PID1: variants seen among roughly 807,000 people sequenced by gnomAD.
PID1 encodes PTB-containing, cubilin and LRP1-interacting protein.
Under a neutral mutation model 19.1 loss-of-function variants are expected in PID1, and 10 were observed. That is an observed-to-expected ratio of 0.52 (90% confidence interval 0.32 to 0.89). The LOEUF (loss-of-function observed/expected upper bound fraction) is 0.89, where lower values mean the gene tolerates loss of function less well. PID1 is among the 40% of genes least tolerant of loss of function. The probability of loss-of-function intolerance (pLI) is 0.03; values close to 1 mark genes in which losing one functional copy is unlikely to be tolerated. For missense variants in PID1, 248 were observed against 285.3 expected, an observed-to-expected ratio of 0.87 and a Z score of 0.94; for synonymous variants, 130 against 116.0, an observed-to-expected ratio of 1.12 and a Z score of -0.78.
chr2:229,261,643 T>G (rs1428192279), intron 1 of PID1, among the ~76,000 whole-genome samples: 1 of 152,246 alleles, frequency 6.6e-6, no homozygotes, highest in Admixed American at 6.5e-5. Flanking sequence ...TCCTTTCCCC[T>G]GGTAACTGTC....
intron 2 of PID1, among the ~76,000 whole-genome samples, chr2:229,110,156 C>A (rs1308509022): frequency 1.3e-5 from 2 of 152,184 alleles, no homozygotes; most frequent in Non-Finnish European, 2.9e-5. Flanking sequence ...TTAACAAGAC[C>A]TCTAGGTTTT....
rs1163678051 is a variant in PID1, at chr2:229,174,688, C to T, written c.31-18724G>A. Among the ~76,000 whole-genome samples, 4 of 148,320 alleles carry T rather than the reference C, an allele frequency of 2.7e-5. No homozygotes were observed. The Admixed American group carries it at 2.7e-4, about 10-fold the overall frequency. On this transcript the variant is annotated intron_variant, in intron 1 of 2. Coordinates refer to ENST00000392055, the MANE Select transcript of PID1 (RefSeq NM_001100818.2). ...GATTTTTTTTGCCCCTCCCCAACCC[C>T]AGAACCAAGCTTCCTCCCACTGAAA...
intron 2 of PID1, among the ~76,000 whole-genome samples, chr2:229,118,712 G>A (rs367602492): frequency 9.9e-5 from 15 of 152,012 alleles, no homozygotes; most frequent in Non-Finnish European, 1.9e-4. Context: ...TTGTTCTTGG[G>A]GGAAAGTACT....
At chr2:229,246,940 T>C (rs778067068) in intron 1 of PID1, among the ~76,000 whole-genome samples, 95 of 152,012 alleles carry the variant, frequency 6.2e-4, no homozygotes, top group Admixed American at 2.6e-4. Flanking sequence ...GCCTCAGCAG[T>C]AAAAATAACC....
At chr2:229,130,749 T>A (rs1222914209) in intron 2 of PID1, among the ~76,000 whole-genome samples, 1 of 152,204 alleles carries the variant, frequency 6.6e-6, no homozygotes, top group Non-Finnish European at 1.5e-5. Flanking sequence ...CAGTGTTAGC[T>A]AAACTCAGTG....
chr2:229,176,918 T>C (rs1231541679), intron 1 of PID1, among the ~76,000 whole-genome samples: 1 of 152,188 alleles, frequency 6.6e-6, no homozygotes, highest in African/African-American at 2.4e-5. Flanking sequence ...TGTATTAGTC[T>C]ATTTCCACAT....
intron 1 of PID1, among the ~76,000 whole-genome samples, chr2:229,249,234 C>A (rs1190543189): frequency 6.7e-6 from 1 of 149,560 alleles, no homozygotes; most frequent in Non-Finnish European, 1.5e-5. Context: ...CAAGAAAATC[C>A]AGAACACATT....
At chr2:229,031,107 T>C (rs1023704730) in intron 2 of PID1, among the ~76,000 whole-genome samples, 25 of 145,836 alleles carry the variant, frequency 1.7e-4, no homozygotes, top group Admixed American at 8.6e-4. Context: ...TCCCAGCTAC[T>C]GGGGAGGCTG....
chr2:229,159,307 G>A (rs1690446858), intron 1 of PID1, among the ~76,000 whole-genome samples: 1 of 152,166 alleles, frequency 6.6e-6, no homozygotes, highest in Admixed American at 6.5e-5. Context: ...CATTGACTTG[G>A]CTAGGCTACC....
intron 2 of PID1, among the ~76,000 whole-genome samples, chr2:229,129,626 A>G (rs1559246595): frequency 6.6e-6 from 1 of 152,356 alleles, no homozygotes; most frequent in East Asian, 1.9e-4. Flanking sequence ...GAAAGCATTT[A>G]TCATTACTAT....
intron 1 of PID1, among the ~76,000 whole-genome samples, chr2:229,226,366 T>A (rs2106262835): frequency 6.6e-6 from 1 of 152,346 alleles, no homozygotes; most frequent in East Asian, 1.9e-4. Flanking sequence ...TTCATGGCTT[T>A]TGTTCTGAAT....
At chr2:229,157,259 GTC>G (rs1341986328) in intron 1 of PID1, among the ~76,000 whole-genome samples, 1 of 151,998 alleles carries the variant, frequency 6.6e-6, no homozygotes, top group Admixed American at 6.6e-5. Flanking sequence ...GTGAAACCCT[GTC>G]TCTACTAAAA....
At chr2:229,068,280 C>T (rs1289416228) in intron 2 of PID1, among the ~76,000 whole-genome samples, 1 of 152,148 alleles carries the variant, frequency 6.6e-6, no homozygotes, top group Non-Finnish European at 1.5e-5. Flanking sequence ...AAAGTCTCCA[C>T]AGTGCCAGAA....
At position 229,181,268 on chromosome 2, in the gene PID1, C is replaced by G. The variant is rs543335124; in HGVS notation, c.31-25304G>C. Among the ~76,000 whole-genome samples the G allele has an allele frequency of 3.9e-5, 6 of 152,158 alleles. No individual in the cohort carries two copies. The South Asian group carries it at 1.0e-3, about 26-fold the overall frequency. ...TAACAGGATGCTAACAGATGAGGCC[C>G]CGAAGGGAGAAAGAGCCCAGGGGCA... On this transcript the variant is annotated intron_variant, in intron 1 of 2. Coordinates refer to ENST00000392055, the MANE Select transcript of PID1 (RefSeq NM_001100818.2).
intron 1 of PID1, among the ~76,000 whole-genome samples, chr2:229,270,643 C>CAA (rs368188721): frequency 2.6e-5 from 3 of 116,392 alleles, no homozygotes; most frequent in African/African-American, 1.0e-4. Context: ...CTGGTGACCA[C>CAA]AAAAAAAAAA....
intron 1 of PID1, among the ~76,000 whole-genome samples, chr2:229,203,990 C>G (rs1691552734): frequency 6.6e-6 from 1 of 151,930 alleles, no homozygotes; most frequent in African/African-American, 2.4e-5. Context: ...ACCCATAGGT[C>G]TAATGTAATA....
chr2:229,049,023 C>A (rs952050449), intron 2 of PID1, among the ~76,000 whole-genome samples: 3 of 152,234 alleles, frequency 2.0e-5, no homozygotes, highest in Admixed American at 6.5e-5. Context: ...GGAGACACTG[C>A]CGATAGTAAA....
At chr2:229,221,501 A>C in intron 1 of PID1, among the ~76,000 whole-genome samples, 1 of 151,990 alleles carries the variant, frequency 6.6e-6, no homozygotes. Flanking sequence ...TTCCATCTGC[A>C]CATCTACCTC....
Position 229,101,340 on chromosome 2 carries a change from C to T in PID1, c.177+54478G>A, listed in dbSNP as rs147542285. ...ATCAACCCATCACCTAGGTATTAAT[C>T]CCAGCATGCATTAGCTCTTGGGTTT... On this transcript the variant is annotated intron_variant, in intron 2 of 2. Coordinates refer to ENST00000392055, the MANE Select transcript of PID1 (RefSeq NM_001100818.2). Among the ~76,000 whole-genome samples, 14 of 152,230 alleles carry T rather than the reference C, an allele frequency of 9.2e-5. No homozygotes were observed. The East Asian group carries it at 2.7e-3, about 29-fold the overall frequency.
Sources: gnomAD v4.1 joint callset for allele counts (sites outside exome capture counted in the v4.1 genomes callset) on GRCh38, gnomAD v4.1.1 for gene constraint, MANE v1.5 for transcripts, NCBI Gene and HGNC (gene_info 2026-07-23, HGNC 2026-07-21) for gene names.